The following NSMAF variants were observed in gnomAD, a reference collection of about 807,000 sequenced individuals.
The protein encoded by NSMAF is protein FAN.
In NSMAF, 90 loss-of-function variants were observed where a neutral mutation model predicts 134.9. The observed-to-expected ratio is 0.67, with a 90% CI of 0.56 to 0.79. The LOEUF (loss-of-function observed/expected upper bound fraction) is 0.79. Ranked by LOEUF, NSMAF falls within the 30% of genes least tolerant of loss-of-function variation. NSMAF has a pLI of 0.00. For missense variants in NSMAF, 1,010 were observed against 1,119.0 expected, an observed-to-expected ratio of 0.90 and a Z score of 1.39; for synonymous variants, 358 against 389.6, an observed-to-expected ratio of 0.92 and a Z score of 0.96.
In NSMAF at chr8:58,586,613, G is replaced by T; in HGVS notation, c.2296-5C>A. On this transcript the variant is annotated splice_region_variant and splice_polypyrimidine_tract_variant and intron_variant, in intron 27 of 30. Transcript: ENST00000038176. ...ATTTAAACTGATTGTATCTACCTAA[G>T]GAAGAAAACACATTGATACATATTC... is the stretch of plus-strand genomic sequence containing the variant. 6.2e-7 allele frequency: 1 copy of T among 1,606,492 alleles called. No individual in the cohort carries two copies. The highest frequency in any genetic ancestry group is 8.5e-7 in the Non-Finnish European group (1 of 1,176,186).
At chr8:58,658,300 A>G (rs1807768086) in intron 1 of NSMAF, among the ~76,000 whole-genome samples, 1 of 152,228 alleles carries the variant, frequency 6.6e-6, no homozygotes, top group Non-Finnish European at 1.5e-5. Flanking sequence ...GGGCTCAGTT[A>G]TTTAATAAAC....
chr8:58,598,490 C>CAAAA (rs71250204), intron 19 of NSMAF, among the ~76,000 whole-genome samples: 193 of 125,946 alleles, frequency 1.5e-3, no homozygotes, highest in African/African-American at 1.9e-3. Flanking sequence ...CTGTCTCAAA[C>CAAAA]AAAAAAAAAA....
chr8:58,630,930 ACT>A (rs1220380290), intron 6 of NSMAF, among the ~76,000 whole-genome samples: 1 of 151,620 alleles, frequency 6.6e-6, no homozygotes, highest in Non-Finnish European at 1.5e-5. Flanking sequence ...TCCTGTAAAA[ACT>A]CTCTTTTAGT....
At chr8:58,619,700 T>C (rs966917762) in intron 9 of NSMAF, among the ~76,000 whole-genome samples, 2 of 151,922 alleles carry the variant, frequency 1.3e-5, no homozygotes, top group Non-Finnish European at 2.9e-5. Flanking sequence ...ATCACAAATA[T>C]GAAGTACTAG....
chr8:58,624,172 G>A (rs1350655670), intron 6 of NSMAF, among the ~76,000 whole-genome samples: 1 of 151,002 alleles, frequency 6.6e-6, no homozygotes, highest in Non-Finnish European at 1.5e-5. Context: ...CTCCCGAGTA[G>A]CTGGGGCTAG....
chr8:58,631,746 G>C (rs1408744280), intron 5 of NSMAF, among the ~76,000 whole-genome samples, 200 bp from the exon 6 acceptor site: 2 of 151,972 alleles, frequency 1.3e-5, no homozygotes, highest in Admixed American at 1.3e-4. Context: ...AAATTAAAAA[G>C]AGAATCATCC....
rs372674548 is a variant in NSMAF, at chr8:58,635,201, G to C, written c.321C>G (p.Leu107=). The stretch of plus-strand genomic sequence containing the variant: ...ATTATGTGCTTACCTGACTGAAAAT[G>C]AGTGAAATACCCCCAGATTTTGCCC... ...FTKAKSGGIS[L]IFSQVYFIKE... is the part of the protein sequence containing the mutation. The change falls in exon 5 of 31, where the codon CTC becomes CTG. Residue 107 remains leucine, a synonymous_variant. Transcript: ENST00000038176. The C allele has an allele frequency of 1.9e-6, 3 of 1,609,882 alleles. No individual in the cohort carries two copies. Among genetic ancestry groups the C allele is most frequent in the Non-Finnish European group, 2.5e-6 (3 of 1,176,754 alleles).
At position 58,635,326 on chromosome 8, in the gene NSMAF, C is replaced by T. The variant is rs761764352; in HGVS notation, c.275G>A (p.Gly92Glu). ...CIKIGKHGEN[G>E]ANRHFTKAKS... The stretch of plus-strand genomic sequence containing the variant: ...ATACTTTGTGAAGTGTCTATTGGCT[C>T]CATTTTCTCCATGCTTTCCTATTTT... The change falls in exon 4 of 31, where the codon GGA becomes GAA. Residue 92 changes from glycine (G) to glutamate (E), a missense_variant. Coordinates refer to ENST00000038176, the MANE Select transcript of NSMAF (RefSeq NM_003580.4). 2 of 1,609,584 alleles carry T rather than the reference C, an allele frequency of 1.2e-6. No individual in the cohort carries two copies. Among genetic ancestry groups the T allele is most frequent in the African/African-American group, 1.3e-5 (1 of 74,604 alleles).
intron 1 of NSMAF, among the ~76,000 whole-genome samples, chr8:58,643,652 C>T (rs1807383501): frequency 6.6e-6 from 1 of 152,088 alleles, no homozygotes. Flanking sequence ...CTGCCTCAGC[C>T]TCCCAAGTAG....
In NSMAF at chr8:58,635,511, G is replaced by T. The variant is rs35436008; in HGVS notation, c.185C>A (p.Ser62Ter). Residue 62 changes from serine to a stop codon, truncating the protein, a stop_gained, in exon 3 of 31, where the codon TCG becomes TAG. Transcript: ENST00000038176. LOFTEE classifies it high-confidence loss of function. ...IRGSLKICSK[S>*]VIFEPDSISQ... ...TATTGAATCTGGTTCAAAAATCACC[G>T]ATTTTGAACATATTTTTAAGGAGCC... 1.2e-6 allele frequency: 2 copies of T among 1,605,336 alleles called. No individual in the cohort carries two copies. Among genetic ancestry groups the T allele is most frequent in the Non-Finnish European group, 1.7e-6 (2 of 1,176,870 alleles).
At chr8:58,630,127 C>G (rs1807024716) in intron 6 of NSMAF, among the ~76,000 whole-genome samples, 1 of 152,182 alleles carries the variant, frequency 6.6e-6, no homozygotes, top group Admixed American at 6.5e-5. Context: ...CAGATAGTGA[C>G]ACAAATTTTT....
At chr8:58,655,697 G>A (rs1395626163) in intron 1 of NSMAF, among the ~76,000 whole-genome samples, 1 of 151,984 alleles carries the variant, frequency 6.6e-6, no homozygotes. Flanking sequence ...CACGAGGACA[G>A]GAGATCGAGA....
chr8:58,585,210 T>C (rs1363891001), intron 30 of NSMAF, among the ~76,000 whole-genome samples: 1 of 152,092 alleles, frequency 6.6e-6, no homozygotes, highest in Non-Finnish European at 1.5e-5. Flanking sequence ...CCTCTCTTAT[T>C]CACAGGACAC....
chr8:58,631,507 T>C lies in NSMAF; in HGVS notation c.373A>G (p.Lys125Glu), dbSNP rs1807057790. The change falls in exon 6 of 31, where the codon AAA becomes GAA. Residue 125 changes from lysine to glutamate, a missense_variant. Coordinates refer to ENST00000038176, the MANE Select transcript of NSMAF (RefSeq NM_003580.4). The stretch of plus-strand genomic sequence containing the variant: ...AAAGCTTTACTTACCCTTTCTATTT[T>C]ATATGGTGCAACAACATTATGTTCT... ...IKEHNVVAPY[K>E]IERGKMEYVF... The C allele has an allele frequency of 4.0e-6, 6 of 1,511,108 alleles. No homozygotes were observed. The highest frequency in any genetic ancestry group is 5.4e-6 in the Non-Finnish European group (6 of 1,113,634). The allele number at this position is 1,511,108 out of a possible 1,614,324, so 93.6% of individuals were successfully genotyped here.
Position 58,603,551 on chromosome 8 carries a change from A to T in NSMAF, c.869-165T>A, listed in dbSNP as rs3816847. 4.6e-5 allele frequency among the ~76,000 whole-genome samples: 7 copies of T among 152,338 alleles called. No individual in the cohort carries two copies. In the South Asian group the frequency reaches 1.2e-3, roughly 27 times the overall value. On this transcript the variant is annotated intron_variant, in intron 12 of 30. Coordinates refer to ENST00000038176, the MANE Select transcript of NSMAF (RefSeq NM_003580.4). ...GTTTTCATAAAGTATTTGTTCAGCT[A>T]TGTATAAACAGTTCCAAGATCAAGG...
At chr8:58,620,773 A>G (rs1478476566) in intron 9 of NSMAF, among the ~76,000 whole-genome samples, 1 of 152,174 alleles carries the variant, frequency 6.6e-6, no homozygotes, top group Non-Finnish European at 1.5e-5. Flanking sequence ...CCATATGAAG[A>G]GGCTGGAGGA....
intron 5 of NSMAF, among the ~76,000 whole-genome samples, chr8:58,634,081 C>T (rs930603689): frequency 4.6e-5 from 7 of 152,056 alleles, no homozygotes; most frequent in Non-Finnish European, 2.9e-5. Context: ...TAAAATGACA[C>T]GATAGACATG....
Position 58,659,776 on chromosome 8 carries a change from T to G in NSMAF, c.-145A>C. ...GGCCTGGCTTCCCCTGCGGCGCCGCTGGGCGGCCGAGAGCCCGACGCGGCG... is the reference window on the plus strand; with the variant it reads ...GGCCTGGCTTCCCCTGCGGCGCCGCGGGGCGGCCGAGAGCCCGACGCGGCG... On this transcript the variant is annotated 5_prime_UTR_variant, in exon 1 of 31. Transcript: ENST00000038176. 3 of 493,680 alleles carry G rather than the reference T, an allele frequency of 6.1e-6. No individual in the cohort carries two copies. Among genetic ancestry groups the G allele is most frequent in the African/African-American group, 2.0e-5 (1 of 49,262 alleles). The allele number at this position is 493,680 out of a possible 1,614,324, so 30.6% of individuals were successfully genotyped here.
intron 5 of NSMAF, among the ~76,000 whole-genome samples, chr8:58,632,173 T>A (rs370278981): frequency 6.5e-4 from 99 of 152,224 alleles, no homozygotes; most frequent in African/African-American, 2.1e-3. Flanking sequence ...CTGTCAGATA[T>A]TCAAAAGCTT....
Sources: gnomAD v4.1 joint callset for allele counts (sites outside exome capture counted in the v4.1 genomes callset) on GRCh38, gnomAD v4.1.1 for gene constraint, MANE v1.5 for transcripts, NCBI Gene and HGNC (gene_info 2026-07-23, HGNC 2026-07-21) for gene names.